Variants in KCNB2 observed in about 807,000 individuals in gnomAD.
KCNB2 encodes delayed rectifier potassium channel protein.
Under a neutral mutation model 61.5 loss-of-function variants are expected in KCNB2, and 15 were observed. The observed-to-expected ratio is 0.24, with a 90% confidence interval of 0.16 to 0.38. The LOEUF (loss-of-function observed/expected upper bound fraction) is 0.38. Among genes scored for constraint, KCNB2 ranks in the 10% least tolerant of loss-of-function variants. The pLI, the probability that KCNB2 is intolerant of heterozygous loss-of-function variation, is 1.00. For synonymous variants in KCNB2, 457 were observed against 446.0 expected, an observed-to-expected ratio of 1.02 and a Z score of -0.31; for missense variants, 828 against 1,125.2, an observed-to-expected ratio of 0.74 and a Z score of 3.78.
intron 1 of KCNB2, among the ~76,000 whole-genome samples, chr8:72,539,128 G>C (rs1395215267): frequency 6.6e-6 from 1 of 152,110 alleles, no homozygotes; most frequent in Admixed American, 6.6e-5. Context: ...CGTAATACAT[G>C]AATAAAACCC....
At chr8:72,853,476 C>T (rs1003503559) in intron 2 of KCNB2, among the ~76,000 whole-genome samples, 5 of 152,180 alleles carry the variant, frequency 3.3e-5, no homozygotes, top group African/African-American at 1.2e-4. Context: ...TGAAAGCACT[C>T]ATCCAATATA....
chr8:72,648,961 G>A (rs1479576348), intron 2 of KCNB2, among the ~76,000 whole-genome samples: 1 of 151,576 alleles, frequency 6.6e-6, no homozygotes, highest in Admixed American at 6.6e-5. Flanking sequence ...TTTACATTGT[G>A]CAAGTTTTTT....
chr8:72,583,929 A>T (rs1806952077), intron 2 of KCNB2, among the ~76,000 whole-genome samples: 1 of 146,756 alleles, frequency 6.8e-6, no homozygotes, highest in Non-Finnish European at 1.5e-5. Context: ...AGATTTCAAC[A>T]GTTACAACAA....
At chr8:72,824,019 C>A (rs887370509) in intron 2 of KCNB2, among the ~76,000 whole-genome samples, 1 of 152,190 alleles carries the variant, frequency 6.6e-6, no homozygotes, top group South Asian at 2.1e-4. Flanking sequence ...TCTCCCACCC[C>A]TTTGAACTCT....
chr8:72,562,211 C>T (rs1354505128), intron 1 of KCNB2, among the ~76,000 whole-genome samples: 1 of 152,090 alleles, frequency 6.6e-6, no homozygotes, highest in Non-Finnish European at 1.5e-5. Context: ...ACTTACCCTG[C>T]CTGGCTCCAT....
chr8:72,848,119 A>G (rs1031175713), intron 2 of KCNB2, among the ~76,000 whole-genome samples: 6 of 152,160 alleles, frequency 3.9e-5, no homozygotes, highest in Non-Finnish European at 8.8e-5. Flanking sequence ...GGAGGCTGTT[A>G]TTTACACCAG....
At chr8:72,801,364 T>G (rs372226922) in intron 2 of KCNB2, among the ~76,000 whole-genome samples, 2 of 152,222 alleles carry the variant, frequency 1.3e-5, no homozygotes, top group African/African-American at 4.8e-5. Context: ...ACTGATCAGC[T>G]CTGAACACTT....
rs145738887 is a variant in KCNB2, at chr8:72,584,128, G to A, written c.579+15815G>A. Reference sequence around the variant, plus strand: ...AAACAAAAAAAAACAGAAAAAAACCGTTTAGAGGAAAAGAACATTTAGACA... The same window carrying A: ...AAACAAAAAAAAACAGAAAAAAACCATTTAGAGGAAAAGAACATTTAGACA... On this transcript the variant is annotated intron_variant, in intron 2 of 2. Transcript: ENST00000523207. 1.2e-3 allele frequency among the ~76,000 whole-genome samples: 184 copies of A among 151,478 alleles called. 1 individual carries two copies. The highest frequency in any genetic ancestry group is 2.7e-3 in the Admixed American group (41 of 15,202).
At position 72,935,915 on chromosome 8, in the gene KCNB2, T is replaced by TG; in HGVS notation, c.580-18dup. 6.3e-7 allele frequency: 1 copy of TG among 1,591,476 alleles called. No individual in the cohort carries two copies. Among genetic ancestry groups the TG allele is most frequent in the South Asian group, 1.1e-5 (1 of 89,584 alleles). The stretch of plus-strand genomic sequence containing the variant: ...AAGCAACTAAGAGGATTTGCTGACT[T>TG]GGACTTTTCTCTTTTCCAGATCCTG... On this transcript the variant is annotated intron_variant, in intron 2 of 2. Transcript: ENST00000523207.
chr8:72,920,453 C>CTATATATATATATATA lies in KCNB2; in HGVS notation c.580-15479_580-15478insATATATATATATATAT. Among the ~76,000 whole-genome samples the CTATATATATATATATA allele has an allele frequency of 1.0e-3, 44 of 43,106 alleles. 4 individuals are homozygous for CTATATATATATATATA. Among genetic ancestry groups the CTATATATATATATATA allele is most frequent in the Non-Finnish European group, 1.9e-3 (35 of 18,648 alleles). 28.3% of individuals were successfully genotyped at this position (43,106 alleles called of 152,430 possible). A position where few individuals can be genotyped will look rare whatever the true frequency, so the allele number is the denominator to read the frequency against. On this transcript the variant is annotated intron_variant, in intron 2 of 2. Coordinates refer to ENST00000523207, the MANE Select transcript of KCNB2 (RefSeq NM_004770.3). Reference sequence around the variant, plus strand: ...CCCCCTCTCCACTATATCTATCTATCTATCTATCTATCTATCTATCTATAT... The same window carrying CTATATATATATATATA: ...CCCCCTCTCCACTATATCTATCTATCTATATATATATATATATATCTATCTATCTATCTATCTATAT...
intron 2 of KCNB2, among the ~76,000 whole-genome samples, chr8:72,716,150 T>C (rs1483107206): frequency 6.6e-6 from 1 of 152,132 alleles, no homozygotes; most frequent in Non-Finnish European, 1.5e-5. Flanking sequence ...TAACAGGCTC[T>C]GAAATTGAGG....
chr8:72,593,755 G>A (rs1246091470), intron 2 of KCNB2, among the ~76,000 whole-genome samples: 1 of 152,168 alleles, frequency 6.6e-6, no homozygotes, highest in Non-Finnish European at 1.5e-5. Flanking sequence ...AATTGATTTT[G>A]TGGTGATCAA....
chr8:72,702,812 A>G lies in KCNB2; in HGVS notation c.579+134499A>G, dbSNP rs140398845. Among the ~76,000 whole-genome samples, 320 of 152,234 alleles carry G rather than the reference A, an allele frequency of 2.1e-3. 3 individuals carry two copies. Among genetic ancestry groups the G allele is most frequent in the African/African-American group, 7.2e-3 (301 of 41,536 alleles). ...ATGTGGAGCTGCTATTATACCTTAG[A>G]AGAGGCTCTGGAAGCAGCTGTGTCA... On this transcript the variant is annotated intron_variant, in intron 2 of 2. Transcript: ENST00000523207.
At chr8:72,914,375 A>G (rs1386877421) in intron 2 of KCNB2, among the ~76,000 whole-genome samples, 1 of 152,216 alleles carries the variant, frequency 6.6e-6, no homozygotes, top group Non-Finnish European at 1.5e-5. Flanking sequence ...GGAGATGACA[A>G]TATTACTTTT....
chr8:72,548,556 T>C (rs555372383), intron 1 of KCNB2, among the ~76,000 whole-genome samples: 1 of 152,314 alleles, frequency 6.6e-6, no homozygotes, highest in South Asian at 2.1e-4. Context: ...AAAATGGGTG[T>C]TGGGAAGTAT....
chr8:72,586,359 A>G (rs984468396), intron 2 of KCNB2, among the ~76,000 whole-genome samples: 1 of 152,206 alleles, frequency 6.6e-6, no homozygotes, highest in African/African-American at 2.4e-5. Flanking sequence ...TATTGTATAC[A>G]AAAGCCCTAA....
At chr8:72,897,559 T>C (rs1056578069) in intron 2 of KCNB2, among the ~76,000 whole-genome samples, 1 of 152,196 alleles carries the variant, frequency 6.6e-6, no homozygotes, top group Admixed American at 6.5e-5. Flanking sequence ...ATTTAAAAGA[T>C]GATAGCAGCT....
At chr8:72,850,890 T>C (rs1388983856) in intron 2 of KCNB2, among the ~76,000 whole-genome samples, 1 of 74,828 alleles carries the variant, frequency 1.3e-5, no homozygotes, top group East Asian at 2.3e-4. Flanking sequence ...TCTTTTATAG[T>C]CAATTTGATT....
chr8:72,858,026 TAG>T (rs1244385996), intron 2 of KCNB2, among the ~76,000 whole-genome samples: 2 of 152,186 alleles, frequency 1.3e-5, no homozygotes, highest in African/African-American at 2.4e-5. Context: ...AGAGTTAAAA[TAG>T]AGTTAGTCTC....
Sources: allele counts gnomAD v4.1 joint callset (sites outside exome capture counted in the v4.1 genomes callset), GRCh38; gene constraint gnomAD v4.1.1; transcripts MANE v1.5; gene names NCBI Gene and HGNC (gene_info 2026-07-23, HGNC 2026-07-21).